DOK5: variants seen among roughly 807,000 people sequenced by gnomAD.
DOK5 encodes the protein downstream of tyrosine kinase 5.
A neutral mutation model predicts 43.3 loss-of-function variants in DOK5; 27 were observed. The observed-to-expected ratio is 0.62, with a 90% CI of 0.46 to 0.86. DOK5 has a LOEUF of 0.86. Ranked by LOEUF, DOK5 falls within the 40% of genes least tolerant of loss-of-function variation. The probability of loss-of-function intolerance (pLI) is 0.00; values close to 1 mark genes in which losing one functional copy is unlikely to be tolerated. For missense variants in DOK5, 373 were observed against 392.9 expected, an observed-to-expected ratio of 0.95 and a Z score of 0.43; for synonymous variants, 146 against 140.1, an observed-to-expected ratio of 1.04 and a Z score of -0.30.
At chr20:54,539,820 T>A (rs1409972682) in intron 1 of DOK5, among the ~76,000 whole-genome samples, 1 of 152,194 alleles carries the variant, frequency 6.6e-6, no homozygotes, top group Admixed American at 6.5e-5. Context: ...AGCGATAAAT[T>A]GTTGTTTAAG....
At chr20:54,544,702 G>C (rs1984278681) in intron 1 of DOK5, among the ~76,000 whole-genome samples, 1 of 152,172 alleles carries the variant, frequency 6.6e-6, no homozygotes, top group Non-Finnish European at 1.5e-5. Context: ...ATTGGTTGTG[G>C]ATGCAGTCAC....
chr20:54,623,994 A>C (rs549573621), intron 6 of DOK5, among the ~76,000 whole-genome samples: 2 of 152,238 alleles, frequency 1.3e-5, no homozygotes, highest in Admixed American at 6.5e-5. Context: ...GATGGAGCCG[A>C]GAGCTCTTGT....
intron 1 of DOK5, among the ~76,000 whole-genome samples, chr20:54,522,522 CTTTT>C (rs112690376): frequency 7.1e-6 from 1 of 140,224 alleles, no homozygotes; most frequent in Non-Finnish European, 1.6e-5. Context: ...TTCTTTCTTT[CTTTT>C]TTTTTTTTTT....
intron 6 of DOK5, among the ~76,000 whole-genome samples, chr20:54,632,750 T>C (rs1036234803): frequency 2.0e-5 from 3 of 152,160 alleles, no homozygotes; most frequent in African/African-American, 7.2e-5. Flanking sequence ...CCTAAATCAT[T>C]AAGATCAAAA....
At chr20:54,480,902 C>CTATCTATCTATCTATCTATCTATCT (rs1555822314) in intron 1 of DOK5, among the ~76,000 whole-genome samples, 14 of 134,984 alleles carry the variant, frequency 1.0e-4, no homozygotes, top group African/African-American at 1.6e-4. Flanking sequence ...TTAAGGCCTC[C>CTATCTATCTATCTATCTATCTATCT]ATCTATCTAT....
At chr20:54,596,532 G>T (rs1024245680) in intron 5 of DOK5, among the ~76,000 whole-genome samples, 1 of 152,348 alleles carries the variant, frequency 6.6e-6, no homozygotes, top group South Asian at 2.1e-4. Flanking sequence ...TGAACTGGAA[G>T]TTGGAGGAAA....
chr20:54,586,830 C>G (rs1020995093), intron 2 of DOK5, among the ~76,000 whole-genome samples: 1 of 151,678 alleles, frequency 6.6e-6, no homozygotes, highest in Non-Finnish European at 1.5e-5. Flanking sequence ...ACAAAGTCCA[C>G]GGTGGCTGAG....
intron 2 of DOK5, 22 bp from the exon 3 acceptor site, chr20:54,588,461 A>T (rs750891282): frequency 7.5e-6 from 12 of 1,605,050 alleles, no homozygotes; most frequent in Non-Finnish European, 1.0e-5. Flanking sequence ...AGTGTGTCAA[A>T]CTTCTAATTG....
At chr20:54,542,251 G>A (rs1254420462) in intron 1 of DOK5, among the ~76,000 whole-genome samples, 1 of 152,012 alleles carries the variant, frequency 6.6e-6, no homozygotes, top group African/African-American at 2.4e-5. Flanking sequence ...CCTGGCACAT[G>A]GTAGGCACCT....
chr20:54,476,155 C>G (rs1181358238), intron 1 of DOK5, 143 bp downstream of exon 1: 1 of 1,519,996 alleles, frequency 6.6e-7, no homozygotes, highest in Non-Finnish European at 8.8e-7. Flanking sequence ...ACCCGCGTCT[C>G]CGGGGCTGTC....
intron 1 of DOK5, among the ~76,000 whole-genome samples, chr20:54,550,480 C>T (rs1452974992): frequency 2.0e-5 from 3 of 152,162 alleles, no homozygotes; most frequent in Admixed American, 1.3e-4. Context: ...GTTCCATTGC[C>T]ACAAGGATCC....
intron 1 of DOK5, among the ~76,000 whole-genome samples, chr20:54,493,336 T>G (rs1982267492): frequency 6.6e-6 from 1 of 152,110 alleles, no homozygotes; most frequent in Non-Finnish European, 1.5e-5. Flanking sequence ...ACACCACCTT[T>G]AGTTCCTCCA....
At chr20:54,635,943 T>TATA (rs566263856) in intron 6 of DOK5, among the ~76,000 whole-genome samples, 261 of 152,306 alleles carry the variant, frequency 1.7e-3, no homozygotes, top group Middle Eastern at 3.4e-3. Flanking sequence ...ATTTACTTCT[T>TATA]ATAGTTCTAG....
At chr20:54,555,312 C>T (rs1984672176) in intron 2 of DOK5, 2 of 326,078 alleles carry the variant, frequency 6.1e-6, no homozygotes, top group South Asian at 7.7e-5. Flanking sequence ...ACTCCCTACA[C>T]TGAAGCCCCG....
At chr20:54,628,551 G>C (rs6098125) in intron 6 of DOK5, among the ~76,000 whole-genome samples, 1 of 148,540 alleles carries the variant, frequency 6.7e-6, no homozygotes, top group Admixed American at 6.8e-5. Flanking sequence ...TATGCCCTAA[G>C]AATGACTTAC....
At chr20:54,515,600 T>G (rs16999732) in intron 1 of DOK5, among the ~76,000 whole-genome samples, 7,935 of 152,258 alleles carry the variant, frequency 0.052, 459 homozygotes, top group African/African-American at 0.13. Context: ...ATCCTTACTT[T>G]GAGATCTTAA....
At chr20:54,640,568 T>A (rs1054354936) in intron 6 of DOK5, among the ~76,000 whole-genome samples, 4 of 152,228 alleles carry the variant, frequency 2.6e-5, no homozygotes, top group Non-Finnish European at 5.9e-5. Flanking sequence ...AAATTAGATG[T>A]TTTTCCAAAG....
intron 5 of DOK5, among the ~76,000 whole-genome samples, chr20:54,601,877 T>C (rs1166322345): frequency 6.6e-6 from 1 of 152,248 alleles, no homozygotes; most frequent in Non-Finnish European, 1.5e-5. Context: ...AAGCTGATCC[T>C]TTTCTTAGAG....
chr20:54,575,362 T>C (rs944397096), intron 2 of DOK5, among the ~76,000 whole-genome samples: 3 of 152,164 alleles, frequency 2.0e-5, no homozygotes, highest in African/African-American at 7.2e-5. Flanking sequence ...GGATATGGGA[T>C]GGAAGTTAAG....
Sources: gnomAD v4.1 joint callset for allele counts (sites outside exome capture counted in the v4.1 genomes callset) on GRCh38, gnomAD v4.1.1 for gene constraint, MANE v1.5 for transcripts, NCBI Gene and HGNC (gene_info 2026-07-23, HGNC 2026-07-21) for gene names.